The following LRRC61 variants were observed in gnomAD, a reference collection of about 807,000 sequenced individuals.
The protein encoded by LRRC61 is leucine-rich repeat-containing protein 61.
A neutral mutation model predicts 15.1 loss-of-function variants in LRRC61; 9 were observed. The ratio of observed to expected loss-of-function variants is 0.60; its 90% CI spans 0.36 to 1.04. LRRC61 has a LOEUF of 1.04. Ranked by LOEUF, LRRC61 falls within the 50% of genes least tolerant of loss-of-function variation. LRRC61 has a pLI of 0.01. For missense variants in LRRC61, 344 were observed against 335.6 expected, an observed-to-expected ratio of 1.03 and a Z score of -0.20; for synonymous variants, 173 against 158.6, an observed-to-expected ratio of 1.09 and a Z score of -0.68.
At chr7:150,327,921 G>A (rs1197924964) in intron 2 of LRRC61, among the ~76,000 whole-genome samples, 3 of 151,726 alleles carry the variant, frequency 2.0e-5, no homozygotes, top group African/African-American at 7.3e-5. Context: ...CCACTTCTAC[G>A]TGGAAGGCCC....
At chr7:150,331,155 G>C in intron 2 of LRRC61, 7 of 1,546,624 alleles carry the variant, frequency 4.5e-6, no homozygotes, top group Non-Finnish European at 5.2e-6. Flanking sequence ...CCCTTGTAGA[G>C]CAAAACTCTT....
At chr7:150,323,882 A>T (rs1797824548) in intron 1 of LRRC61, among the ~76,000 whole-genome samples, 1 of 152,212 alleles carries the variant, frequency 6.6e-6, no homozygotes, top group Non-Finnish European at 1.5e-5. Context: ...CGGGCTCTGG[A>T]TGCCATGCTC....
the LRRC61 span, among the ~76,000 whole-genome samples, chr7:150,313,048 C>T: frequency 1.3e-5 from 2 of 152,310 alleles, no homozygotes; most frequent in East Asian, 3.9e-4. Flanking sequence ...TTCTTTTGGA[C>T]AATGAATCTT....
chr7:150,309,813 C>T, the LRRC61 span, among the ~76,000 whole-genome samples: 2 of 152,272 alleles, frequency 1.3e-5, no homozygotes, highest in South Asian at 2.1e-4. Context: ...CTCGGCTTTG[C>T]GGCTGAAGAC....
chr7:150,323,376 G>A lies in LRRC61; in HGVS notation c.-499G>A. 3.4e-6 allele frequency: 1 copy of A among 293,640 alleles called. No homozygotes were observed. Among genetic ancestry groups the A allele is most frequent in the Non-Finnish European group, 6.6e-6 (1 of 151,698 alleles). The allele number at this position is 293,640 out of a possible 1,614,324, so 18.2% of individuals were successfully genotyped here. ...CCGGGAGCTCAGGCCTGCGGCGCTG[G>A]GAGAAGCACGCTGGCCAACAAGTTG... is the stretch of plus-strand genomic sequence containing the variant. On this transcript the variant is annotated 5_prime_UTR_variant, in exon 1 of 3. Transcript: ENST00000359623.
chr7:150,317,883 G>T, the LRRC61 span, among the ~76,000 whole-genome samples: 1 of 152,002 alleles, frequency 6.6e-6, no homozygotes, highest in African/African-American at 2.4e-5. Flanking sequence ...GCAGTTGAAT[G>T]GGGTTGGGTT....
intron 2 of LRRC61, among the ~76,000 whole-genome samples, chr7:150,327,148 C>CT (rs59527488): frequency 0.033 from 4,645 of 142,880 alleles, 152 homozygotes; most frequent in East Asian, 0.14. Context: ...TCTTTTTTAT[C>CT]TTTTTTTTTT....
chr7:150,314,877 C>T, the LRRC61 span, among the ~76,000 whole-genome samples: 4 of 149,736 alleles, frequency 2.7e-5, no homozygotes, highest in East Asian at 1.9e-4. Context: ...ACTTGAACCC[C>T]GGAGGTCGAG....
rs146290133 is a variant in LRRC61, at chr7:150,337,103, A to G, written c.242A>G (p.Asn81Ser). The change falls in exon 3 of 3, where the codon AAT becomes AGT. Residue 81 changes from asparagine to serine, a missense_variant. Asn to Ser is a conservative substitution (Grantham distance 46, BLOSUM62 1). Transcript: ENST00000359623. ...TCCTTGCGCCAGCTAGCTGTGCTCA[A>G]TGTCTCCAACAATCGGCTGACGGGC... ...LASLRQLAVL[N>S]VSNNRLTGLE... The G allele has an allele frequency of 1.2e-4, 187 of 1,612,666 alleles. No individual in the cohort carries two copies. In the African/African-American group the frequency reaches 1.4e-3, roughly 12 times the overall value.
chr7:150,313,626 C>G, the LRRC61 span, among the ~76,000 whole-genome samples: 1 of 152,216 alleles, frequency 6.6e-6, no homozygotes, highest in African/African-American at 2.4e-5. Flanking sequence ...CCCTTCCCAT[C>G]ATGGTCTGAA....
At position 150,338,028 on chromosome 7, in the gene LRRC61, T is replaced by A. The variant is rs1440693104; in HGVS notation, c.*387T>A. On this transcript the variant is annotated 3_prime_UTR_variant, in exon 3 of 3. Coordinates refer to ENST00000359623, the MANE Select transcript of LRRC61 (RefSeq NM_001142928.2). ...CAGGCTGAGTGGCCCAGAGCACTCCTGGAAGTGGGACTCCCCTGCCTTGCA... is the reference window on the plus strand; with the variant it reads ...CAGGCTGAGTGGCCCAGAGCACTCCAGGAAGTGGGACTCCCCTGCCTTGCA... 2 of 420,628 alleles carry A rather than the reference T, an allele frequency of 4.8e-6. No homozygotes were observed. The highest frequency in any genetic ancestry group is 9.2e-6 in the Non-Finnish European group (2 of 218,132). The allele number at this position is 420,628 out of a possible 1,614,324, so 26.1% of individuals were successfully genotyped here.
chr7:150,326,333 T>C (rs985253870), intron 2 of LRRC61, among the ~76,000 whole-genome samples: 3 of 152,294 alleles, frequency 2.0e-5, no homozygotes, highest in South Asian at 2.1e-4. Flanking sequence ...ACAAAGCTAA[T>C]TGGGAAACAG....
At chr7:150,315,108 A>G in the LRRC61 span, among the ~76,000 whole-genome samples, 1 of 147,182 alleles carries the variant, frequency 6.8e-6, no homozygotes. Flanking sequence ...TATTTATATT[A>G]TTTATTTTAT....
rs780034010 is a variant in LRRC61 at position 150,330,549 on chromosome 7, G to C, written c.-145+4539G>C. ...GGAGAGGGGCGCAGCCATCCAGCTG[G>C]CTGAGGGGTTGGCCCGGCAGCTCTG... is the stretch of plus-strand genomic sequence containing the variant. On this transcript the variant is annotated intron_variant, in intron 2 of 2. Coordinates refer to ENST00000359623, the MANE Select transcript of LRRC61 (RefSeq NM_001142928.2). The surrounding 1 kb of genome is among the most constrained non-coding windows in gnomAD (Gnocchi z 4.6). The C allele has an allele frequency of 1.3e-6, 1 of 777,866 alleles. No homozygotes were observed. The allele number at this position is 777,866 out of a possible 1,614,324, so 48.2% of individuals were successfully genotyped here.
chr7:150,334,276 C>T (rs1406673684), intron 2 of LRRC61, among the ~76,000 whole-genome samples: 3 of 152,192 alleles, frequency 2.0e-5, no homozygotes, highest in Admixed American at 6.5e-5. Flanking sequence ...TCTCCAGCCT[C>T]ATCTCGTCTG....
intron 2 of LRRC61, chr7:150,334,080 C>T: frequency 1.0e-6 from 1 of 985,408 alleles, no homozygotes; most frequent in Non-Finnish European, 1.2e-6. Flanking sequence ...CTTCTGTAAA[C>T]CATGTTCCTG....
chr7:150,326,932 G>C (rs1375636133), intron 2 of LRRC61, among the ~76,000 whole-genome samples: 1 of 152,214 alleles, frequency 6.6e-6, no homozygotes, highest in Non-Finnish European at 1.5e-5. Context: ...ATTGGTGGCT[G>C]AAAGTTCTTG....
intron 2 of LRRC61, among the ~76,000 whole-genome samples, chr7:150,336,457 A>G (rs193107377): frequency 6.6e-6 from 1 of 152,376 alleles, no homozygotes; most frequent in Non-Finnish European, 1.5e-5. Context: ...TTTGACAGGA[A>G]GAACTGGTAA....
At chr7:150,324,958 G>C (rs1172405417) in intron 1 of LRRC61, among the ~76,000 whole-genome samples, 1 of 152,024 alleles carries the variant, frequency 6.6e-6, no homozygotes, top group Admixed American at 6.5e-5. Context: ...GTTTTTCCTT[G>C]TCTCTCCCCT....
Sources: gnomAD v4.1 joint callset for allele counts (sites outside exome capture counted in the v4.1 genomes callset) on GRCh38, gnomAD v4.1.1 for gene constraint, Gnocchi (gnomAD v3.1) non-coding constraint, MANE v1.5 for transcripts, NCBI Gene and HGNC (gene_info 2026-07-23, HGNC 2026-07-21) for gene names.